Variants in SYNE2 observed in about 807,000 individuals in gnomAD.
SYNE2 encodes spectrin repeat containing nuclear envelope protein 2.
SYNE2 carries 431 observed loss-of-function variants against 856.3 expected under a neutral mutation model. The ratio of observed to expected loss-of-function variants is 0.50; its 90% CI spans 0.47 to 0.55. The LOEUF (loss-of-function observed/expected upper bound fraction) is 0.55, where lower values mean the gene tolerates loss of function less well. Among genes scored for constraint, SYNE2 ranks in the 20% least tolerant of loss-of-function variants. The pLI is 0.00. For missense variants in SYNE2, 8,129 were observed against 8,023.2 expected, an observed-to-expected ratio of 1.01 and a Z score of -0.50; for synonymous variants, 2,923 against 2,872.3, an observed-to-expected ratio of 1.02 and a Z score of -0.56.
intron 34 of SYNE2, among the ~76,000 whole-genome samples, chr14:64,018,271 G>A (rs1007673768): frequency 6.6e-6 from 1 of 152,112 alleles, no homozygotes; most frequent in South Asian, 2.1e-4. Flanking sequence ...GCAGAGTCTC[G>A]TTCTGTCACC....
At chr14:63,770,765 G>T (rs1886869617) in intron 1 of SYNE2, among the ~76,000 whole-genome samples, 1 of 152,116 alleles carries the variant, frequency 6.6e-6, no homozygotes, top group South Asian at 2.1e-4. Context: ...ACTCCAGCCT[G>T]GGTGACAGAG....
In SYNE2 at chr14:64,130,966, A is replaced by G. The variant is rs2098013709; in HGVS notation, c.14340+718A>G. ...GTGTTATTATGTAGTATAAGACTATAGTAAATCCTTTGATTTTTAAAATTC... is the reference window on the plus strand; with the variant it reads ...GTGTTATTATGTAGTATAAGACTATGGTAAATCCTTTGATTTTTAAAATTC... On this transcript the variant is annotated intron_variant, in intron 76 of 115. Coordinates refer to ENST00000555002, the MANE Select transcript of SYNE2 (RefSeq NM_182914.3). Among the ~76,000 whole-genome samples the G allele has an allele frequency of 2.0e-5, 3 of 152,188 alleles. No homozygotes were observed. The South Asian group carries it at 6.2e-4, about 31-fold the overall frequency.
chr14:64,060,877 G>T (rs2097311419), intron 49 of SYNE2, among the ~76,000 whole-genome samples: 1 of 152,168 alleles, frequency 6.6e-6, no homozygotes, highest in Admixed American at 6.5e-5. Context: ...TGCTTCATGG[G>T]TGCTGGCTGA....
Position 64,053,401 on chromosome 14 carries a change from A to C in SYNE2, c.9488A>C (p.His3163Pro). Residue 3163 changes from histidine (H) to proline (P), a missense_variant, in exon 48 of 116, where the codon CAT becomes CCT. This residue lies in a region of SYNE2 where 5,410 missense variants were observed against 5,284.8 expected (regional missense o/e 1.02). Transcript: ENST00000555002. The part of the protein sequence containing the change: ...NCQDKLETSL[H>P]VLNQIKSQLQ... ...CAGGACAAACTAGAAACTTCCTTAC[A>C]TGTTTTAAATCAGATAAAATCTCAA... 1.2e-6 allele frequency: 2 copies of C among 1,613,404 alleles called. No individual in the cohort carries two copies. The highest frequency in any genetic ancestry group is 1.3e-5 in the African/African-American group (1 of 75,020).
chr14:64,165,499 T>A lies in SYNE2; in HGVS notation c.16605+89T>A, dbSNP rs564384268. 17 of 1,405,540 alleles carry A rather than the reference T, an allele frequency of 1.2e-5. No homozygotes were observed. In the Admixed American group the frequency reaches 2.1e-4, roughly 17 times the overall value. 87.1% of individuals were successfully genotyped at this position (1,405,540 alleles called of 1,614,324 possible). On this transcript the variant is annotated intron_variant, in intron 90 of 115. Transcript: ENST00000555002. ...GATTACTGTGAACTTATGGAATGCT[T>A]GCATCCTAACTCACTCTTATTTTTT...
intron 6 of SYNE2, among the ~76,000 whole-genome samples, chr14:63,946,127 A>C (rs2096022539): frequency 6.6e-6 from 1 of 152,158 alleles, no homozygotes; most frequent in East Asian, 1.9e-4. Flanking sequence ...ATAGACTTTT[A>C]AAATATATTC....
At chr14:64,171,565 G>C (rs1016821568) in intron 94 of SYNE2, among the ~76,000 whole-genome samples, 5 of 152,150 alleles carry the variant, frequency 3.3e-5, no homozygotes, top group Non-Finnish European at 7.4e-5. Context: ...TGAATGATGA[G>C]AAGGAGCCAG....
intron 28 of SYNE2, among the ~76,000 whole-genome samples, chr14:64,001,475 A>G (rs2096754465): frequency 6.6e-6 from 1 of 152,218 alleles, no homozygotes; most frequent in East Asian, 1.9e-4. Context: ...ACTTGAGGTC[A>G]GGAGTTCGAG....
intron 51 of SYNE2, among the ~76,000 whole-genome samples, chr14:64,067,533 G>C (rs2097366963): frequency 6.6e-6 from 1 of 152,146 alleles, no homozygotes; most frequent in African/African-American, 2.4e-5. Flanking sequence ...ATACATGTAA[G>C]CTTCTGTTAG....
chr14:63,992,697 A>T (rs1233477420), intron 21 of SYNE2, among the ~76,000 whole-genome samples: 1 of 152,072 alleles, frequency 6.6e-6, no homozygotes, highest in Non-Finnish European at 1.5e-5. Flanking sequence ...AGTCAAGTGG[A>T]TACACTCTCA....
chr14:64,016,760 G>C, intron 33 of SYNE2, 129 bp downstream of exon 33: 1 of 692,712 alleles, frequency 1.4e-6, no homozygotes, highest in African/African-American at 1.8e-5. Context: ...ATAAAACTTA[G>C]GAATTAATTT....
intron 56 of SYNE2, 131 bp downstream of exon 56, chr14:64,080,769 T>A: frequency 1.8e-6 from 2 of 1,121,264 alleles, no homozygotes; most frequent in Non-Finnish European, 2.6e-6. Context: ...GGGGCCATGG[T>A]AGGCTTGTGT....
chr14:64,002,699 C>T (rs1239029056), intron 29 of SYNE2, 21 bp from the exon 30 acceptor site: 3 of 1,609,724 alleles, frequency 1.9e-6, no homozygotes, highest in South Asian at 1.1e-5. Context: ...AGTGTTTTAG[C>T]TTTTCTTATC....
intron 1 of SYNE2, among the ~76,000 whole-genome samples, chr14:63,859,043 A>T (rs1017694743): frequency 1.3e-5 from 2 of 152,220 alleles, no homozygotes; most frequent in Non-Finnish European, 2.9e-5. Context: ...TATGCCAGGA[A>T]CATTTGGTAA....
chr14:64,000,861 T>C (rs2096748607), intron 28 of SYNE2, 142 bp downstream of exon 28: 3 of 751,286 alleles, frequency 4.0e-6, no homozygotes, highest in East Asian at 2.8e-5. Flanking sequence ...ACCATTATGA[T>C]TGCATTTTGC....
At position 64,162,201 on chromosome 14, in the gene SYNE2, T is replaced by G. The variant is rs751035942; in HGVS notation, c.16224T>G (p.Phe5408Leu). The change falls in exon 88 of 116, where the codon TTT becomes TTG. Residue 5408 changes from phenylalanine (F) to leucine (L), a missense_variant. Transcript: ENST00000555002. ...AARLKQQEAK[F>L]QQLANISMSG... ...GGCTGAAGCAGCAGGAAGCAAAGTT[T>G]CAACAGCTCGCAAACATCAGCATGT... 5.0e-6 allele frequency: 8 copies of G among 1,614,124 alleles called. No homozygotes were observed. In the Admixed American group the frequency reaches 1.3e-4, roughly 27 times the overall value.
chr14:64,100,530 AAATATATATATAT>A lies in SYNE2; in HGVS notation c.12382-1400_12382-1388del, dbSNP rs1158802951. Reference sequence around the variant, plus strand: ...AAACTGTCTCAAAAAAAAAAAAAAAAAATATATATATATATATATATATATATATATATATATA... The same window carrying A: ...AAACTGTCTCAAAAAAAAAAAAAAAAATATATATATATATATATATATATA... On this transcript the variant is annotated intron_variant, in intron 63 of 115. Transcript: ENST00000555002. Among the ~76,000 whole-genome samples the A allele has an allele frequency of 7.2e-4, 46 of 63,856 alleles. 2 individuals are homozygous for A. The highest frequency in any genetic ancestry group is 1.9e-3 in the South Asian group (3 of 1,554). 41.9% of individuals were successfully genotyped at this position (63,856 alleles called of 152,430 possible). A position where few individuals can be genotyped will look rare whatever the true frequency, so the allele number is the denominator to read the frequency against.
chr14:63,783,283 G>A (rs1028282771), intron 1 of SYNE2, among the ~76,000 whole-genome samples: 25 of 152,180 alleles, frequency 1.6e-4, no homozygotes, highest in African/African-American at 6.0e-4. Context: ...CTTTCCCTTT[G>A]CCTTCCGCCA....
chr14:64,195,248 G>A (rs978450142), intron 99 of SYNE2, among the ~76,000 whole-genome samples: 2 of 152,046 alleles, frequency 1.3e-5, no homozygotes, highest in Non-Finnish European at 2.9e-5. Flanking sequence ...TCTCTTGGTT[G>A]GAATCATTTT....
Sources: allele counts gnomAD v4.1 joint callset (sites outside exome capture counted in the v4.1 genomes callset), GRCh38; gene constraint gnomAD v4.1.1; regional missense constraint gnomAD v4.1.1; transcripts MANE v1.5; gene names NCBI Gene and HGNC (gene_info 2026-07-23, HGNC 2026-07-21).